EXOC6: variants seen among roughly 807,000 people sequenced by gnomAD.
The protein encoded by EXOC6 is SEC15-like 1.
A neutral mutation model predicts 112.5 loss-of-function variants in EXOC6; 60 were observed. The ratio of observed to expected loss-of-function variants is 0.53; its 90% CI spans 0.43 to 0.66. The LOEUF is 0.66. Ranked by LOEUF, EXOC6 falls within the 30% of genes least tolerant of loss-of-function variation. The probability of loss-of-function intolerance (pLI) is 0.00; values close to 1 mark genes in which losing one functional copy is unlikely to be tolerated. For missense variants in EXOC6, 855 were observed against 957.1 expected, an observed-to-expected ratio of 0.89 and a Z score of 1.41; for synonymous variants, 295 against 308.0, an observed-to-expected ratio of 0.96 and a Z score of 0.44.
chr10:93,048,071 C>T (rs544665973), intron 20 of EXOC6, among the ~76,000 whole-genome samples: 25 of 152,236 alleles, frequency 1.6e-4, no homozygotes, highest in Middle Eastern at 3.4e-3. Context: ...TGAAGCTGAA[C>T]TCTTACGTTC....
intron 1 of EXOC6, among the ~76,000 whole-genome samples, chr10:92,888,931 C>A (rs984108595): frequency 6.6e-6 from 1 of 152,110 alleles, no homozygotes; most frequent in Non-Finnish European, 1.5e-5. Flanking sequence ...CTATGTTGAG[C>A]AAGTCATTTA....
chr10:92,922,688 A>G (rs191721581), intron 8 of EXOC6, among the ~76,000 whole-genome samples: 194 of 152,336 alleles, frequency 1.3e-3, no homozygotes, highest in Middle Eastern at 3.4e-3. Context: ...ATAGCTTATC[A>G]TAGCTTATCA....
At chr10:92,957,329 T>C (rs1053913567) in intron 17 of EXOC6, among the ~76,000 whole-genome samples, 9 of 152,160 alleles carry the variant, frequency 5.9e-5, no homozygotes, top group African/African-American at 1.9e-4. Flanking sequence ...TGCCTTAGCA[T>C]CTTGTGTTTC....
intron 14 of EXOC6, among the ~76,000 whole-genome samples, chr10:92,950,424 C>T (rs1853335877): frequency 6.6e-6 from 1 of 152,054 alleles, no homozygotes; most frequent in African/African-American, 2.4e-5. Context: ...TATATTCTGC[C>T]TTTAATATCA....
chr10:92,983,855 T>C (rs1475367652), intron 18 of EXOC6, among the ~76,000 whole-genome samples: 2 of 152,206 alleles, frequency 1.3e-5, no homozygotes, highest in Non-Finnish European at 2.9e-5. Context: ...TCTGGTTCTT[T>C]CTACTTTAAT....
intron 20 of EXOC6, among the ~76,000 whole-genome samples, chr10:93,041,782 G>C (rs1008498955): frequency 3.3e-4 from 50 of 151,932 alleles, no homozygotes; most frequent in Admixed American, 8.5e-4. Flanking sequence ...TGCGATCTCG[G>C]CCCACTGCAA....
At position 92,827,240 on chromosome 10, in the gene EXOC6, G is replaced by A. The variant is rs575924043; in HGVS notation, c.-27+296G>A. Among the ~76,000 whole-genome samples, 3 of 151,814 alleles carry A rather than the reference G, an allele frequency of 2.0e-5. No homozygotes were observed. In the South Asian group the frequency reaches 6.3e-4, roughly 32 times the overall value. ...CTGTAATCCCTCACTTTGGGAGGCTGAGGTGGGCAGATCGCTTGAGCTCAG... is the reference window on the plus strand; with the variant it reads ...CTGTAATCCCTCACTTTGGGAGGCTAAGGTGGGCAGATCGCTTGAGCTCAG... On this transcript the variant is annotated intron_variant, in intron 1 of 22. Coordinates refer to the EXOC6 transcript ENST00000671701.
intron 13 of EXOC6, among the ~76,000 whole-genome samples, chr10:92,941,510 T>A (rs373409940): frequency 2.6e-4 from 40 of 152,346 alleles, no homozygotes; most frequent in African/African-American, 8.4e-4. Context: ...TACCATACTG[T>A]TTCCATAGTG....
chr10:92,920,411 T>A (rs1479073449), intron 8 of EXOC6, among the ~76,000 whole-genome samples: 2 of 152,200 alleles, frequency 1.3e-5, no homozygotes, highest in Non-Finnish European at 2.9e-5. Context: ...TATTGAGATC[T>A]AGTTCACATA....
chr10:92,964,723 A>T (rs1841975031), intron 17 of EXOC6, among the ~76,000 whole-genome samples: 1 of 152,212 alleles, frequency 6.6e-6, no homozygotes, highest in African/African-American at 2.4e-5. Context: ...TAAAGGAAAA[A>T]TTATTGGCCA....
intron 20 of EXOC6, among the ~76,000 whole-genome samples, chr10:93,031,674 A>G (rs1189132840): frequency 6.6e-6 from 1 of 151,538 alleles, no homozygotes; most frequent in East Asian, 1.9e-4. Flanking sequence ...TACCGCACCC[A>G]GCTAATTTTT....
At position 92,934,155 on chromosome 10, in the gene EXOC6, T is replaced by C. The variant is rs745936297; in HGVS notation, c.984T>C (p.Val328=). 1 of 1,538,542 alleles carries C rather than the reference T, an allele frequency of 6.5e-7. No homozygotes were observed. Among genetic ancestry groups the C allele is most frequent in the East Asian group, 2.3e-5 (1 of 44,122 alleles). The change falls in exon 10 of 22, where the codon GTT becomes GTC. Residue 328 remains valine, a synonymous_variant. Coordinates refer to ENST00000260762, the MANE Select transcript of EXOC6 (RefSeq NM_019053.6). ...TTTTTCATTTTAAGCATGAAACAGT[T>C]GATGGCTATAGAAGATATTTCACTC... is the stretch of plus-strand genomic sequence containing the variant. The part of the protein sequence containing the change: ...LQPQSNMHET[V]DGYRRYFTQI...
chr10:92,862,688 T>G (rs900040947), intron 1 of EXOC6, among the ~76,000 whole-genome samples: 7 of 152,078 alleles, frequency 4.6e-5, no homozygotes, highest in African/African-American at 1.7e-4. Flanking sequence ...CCAAGAAAAA[T>G]CCTGTCTCAA....
At chr10:92,911,535 C>T (rs1030033310) in intron 6 of EXOC6, among the ~76,000 whole-genome samples, 1 of 152,014 alleles carries the variant, frequency 6.6e-6, no homozygotes, top group Non-Finnish European at 1.5e-5. Context: ...TTTCATAGAC[C>T]AGTTTTGGAT....
At chr10:93,050,130 A>T (rs889982249) in intron 20 of EXOC6, among the ~76,000 whole-genome samples, 1 of 152,232 alleles carries the variant, frequency 6.6e-6, no homozygotes, top group African/African-American at 2.4e-5. Flanking sequence ...AAATGGTAGG[A>T]TAGCTACCCA....
At chr10:92,908,213 C>T (rs895083016) in intron 5 of EXOC6, among the ~76,000 whole-genome samples, 1 of 151,768 alleles carries the variant, frequency 6.6e-6, no homozygotes, top group Non-Finnish European at 1.5e-5. Flanking sequence ...CACTACCACG[C>T]CCGACTAATT....
intron 18 of EXOC6, among the ~76,000 whole-genome samples, chr10:92,987,799 A>C (rs942210797): frequency 2.0e-5 from 3 of 152,130 alleles, no homozygotes; most frequent in Admixed American, 2.0e-4. Context: ...ATTTGAAGGT[A>C]ATATTAGTTG....
intron 1 of EXOC6, among the ~76,000 whole-genome samples, chr10:92,880,550 C>T (rs1269029251): frequency 6.6e-6 from 1 of 152,126 alleles, no homozygotes; most frequent in African/African-American, 2.4e-5. Context: ...AAATAGAAGA[C>T]ACCTTCAGTT....
At chr10:92,917,694 TAAA>T (rs925015601) in intron 7 of EXOC6, among the ~76,000 whole-genome samples, 1 of 148,990 alleles carries the variant, frequency 6.7e-6, no homozygotes, top group African/African-American at 2.4e-5. Context: ...CCTGGCTAAT[TAAA>T]AAAAAAAAAT....
Sources: allele counts gnomAD v4.1 joint callset (sites outside exome capture counted in the v4.1 genomes callset), GRCh38; gene constraint gnomAD v4.1.1; transcripts MANE v1.5; gene names NCBI Gene and HGNC (gene_info 2026-07-23, HGNC 2026-07-21).